MICAL2: variants seen among roughly 807,000 people sequenced by gnomAD.
MICAL2 encodes microtubule associated monooxygenase, calponin and LIM domain containing 2, also known as [F-actin]-monooxygenase MICAL2.
In MICAL2, 77 loss-of-function variants were observed where a neutral mutation model predicts 127.3. The observed-to-expected ratio is 0.60, with a 90% CI of 0.50 to 0.73. The LOEUF (loss-of-function observed/expected upper bound fraction) is 0.73. Among genes scored for constraint, MICAL2 ranks in the 30% least tolerant of loss-of-function variants. The probability of loss-of-function intolerance (pLI) is 0.00; values close to 1 mark genes in which losing one functional copy is unlikely to be tolerated. For synonymous variants in MICAL2, 570 were observed against 551.1 expected (o/e 1.03, Z -0.48); for missense variants, 1,351 against 1,434.4 (o/e 0.94, Z 0.94).
intron 29 of MICAL2, among the ~76,000 whole-genome samples, chr11:12,307,164 G>A (rs138925896): frequency 1.0e-3 from 158 of 152,252 alleles, no homozygotes; most frequent in African/African-American, 3.7e-3. Context: ...GTATCTCATT[G>A]CAATTTTAAT....
chr11:12,225,773 C>T (rs560791179), intron 13 of MICAL2: 4 of 217,358 alleles, frequency 1.8e-5, no homozygotes, highest in Non-Finnish European at 3.8e-5. Context: ...GTATGAGCCA[C>T]TGCGCCTGGT....
intron 33 of MICAL2, among the ~76,000 whole-genome samples, chr11:12,350,256 C>A (rs150949104): frequency 2.0e-3 from 297 of 152,278 alleles, no homozygotes; most frequent in African/African-American, 6.9e-3. Context: ...GGATCACACA[C>A]CTGCAATGGG....
In MICAL2 at chr11:12,162,287, G is replaced by A. The variant is rs761854126; in HGVS notation, c.132G>A (p.Leu44=). The A allele has an allele frequency of 2.2e-5, 35 of 1,614,088 alleles. No homozygotes were observed. The South Asian group carries it at 3.8e-4, about 18-fold the overall frequency. The change falls in exon 3 of 28, where the codon CTG becomes CTA. Residue 44 remains leucine, a synonymous_variant. Coordinates refer to ENST00000683283, the MANE Select transcript of MICAL2 (RefSeq NM_001282663.2). The stretch of plus-strand genomic sequence containing the variant: ...CACGACACCTGGACCTAGACCCTCT[G>A]GACCACAGAAACTTTTATTCCAAGC... ...ILTRHLDLDP[L]DHRNFYSKLK... is the part of the protein sequence containing the mutation.
chr11:12,331,992 A>G (rs1254660737), intron 32 of MICAL2, among the ~76,000 whole-genome samples: 2 of 152,212 alleles, frequency 1.3e-5, no homozygotes, highest in Non-Finnish European at 2.9e-5. Flanking sequence ...AAATATTTGT[A>G]ATACATGAAT....
chr11:12,247,411 A>G (rs949444215), intron 21 of MICAL2, among the ~76,000 whole-genome samples: 1 of 152,306 alleles, frequency 6.6e-6, no homozygotes, highest in South Asian at 2.1e-4. Context: ...AGCTTCCAAC[A>G]TCTTAATTAT....
intron 29 of MICAL2, among the ~76,000 whole-genome samples, chr11:12,302,229 G>A (rs577492619): frequency 2.7e-4 from 41 of 152,330 alleles, no homozygotes; most frequent in African/African-American, 9.4e-4. Context: ...AGAGGATTCA[G>A]AGGAGCCTGG....
chr11:12,295,494 C>G (rs1863976087), downstream of MICAL2, among the ~76,000 whole-genome samples: 1 of 149,982 alleles, frequency 6.7e-6, no homozygotes, highest in Admixed American at 6.7e-5. Flanking sequence ...CTCTGTCCCC[C>G]AAGCTGGAAG....
In MICAL2 at chr11:12,224,655, G is replaced by A. The variant is rs374415796; in HGVS notation, c.1541-18G>A. On this transcript the variant is annotated intron_variant, in intron 12 of 27. Coordinates refer to ENST00000683283, the MANE Select transcript of MICAL2 (RefSeq NM_001282663.2). ...AGATTCCTGCAGAGCCTCACTGCCT[G>A]CGCTCTCCTTCTTGCAGAGTCAGAT... 7.5e-5 allele frequency: 120 copies of A among 1,610,510 alleles called. 1 individual carries two copies. The highest frequency in any genetic ancestry group is 1.7e-4 in the Middle Eastern group (1 of 6,052).
chr11:12,258,918 C>G (rs1862709560), intron 25 of MICAL2, among the ~76,000 whole-genome samples: 3 of 152,228 alleles, frequency 2.0e-5, no homozygotes, highest in South Asian at 4.1e-4. Flanking sequence ...GCAAGAATGC[C>G]TGGTATAGGA....
At chr11:12,288,049 T>C (rs545552352), downstream of MICAL2, among the ~76,000 whole-genome samples, 1 of 152,196 alleles carries the variant, frequency 6.6e-6, no homozygotes, top group East Asian at 1.9e-4. Context: ...TCCCAGCCAG[T>C]GAGTCATTCC....
At chr11:12,316,317 G>T (rs1454714222) in intron 29 of MICAL2, among the ~76,000 whole-genome samples, 1 of 151,202 alleles carries the variant, frequency 6.6e-6, no homozygotes, top group Non-Finnish European at 1.5e-5. Context: ...GATATCTTTT[G>T]ATTTCTTTGT....
intron 24 of MICAL2, 84 bp from the exon 25 acceptor site, chr11:12,258,384 C>A: frequency 9.9e-7 from 1 of 1,013,570 alleles, no homozygotes; most frequent in Non-Finnish European, 1.6e-6. Flanking sequence ...CTGACTTGGA[C>A]AGTGGTGGGC....
downstream of MICAL2, among the ~76,000 whole-genome samples, chr11:12,291,613 G>C (rs981161852): frequency 1.3e-5 from 2 of 152,174 alleles, no homozygotes; most frequent in African/African-American, 4.8e-5. Flanking sequence ...TCCCTCTCTT[G>C]TGTGCTCTTA....
chr11:12,209,673 A>G lies in MICAL2; in HGVS notation c.691+75A>G, dbSNP rs1422390105. 5 of 1,332,528 alleles carry G rather than the reference A, an allele frequency of 3.8e-6. No individual in the cohort carries two copies. The East Asian group carries it at 1.2e-4, about 31-fold the overall frequency. The allele number at this position is 1,332,528 out of a possible 1,614,324, so 82.5% of individuals were successfully genotyped here. ...GGGTACATTGGGGAAGAGTTGGAGA[A>G]AGTGGGCAAGATGCAGATGCCAGAG... On this transcript the variant is annotated intron_variant, in intron 6 of 27. Transcript: ENST00000683283.
chr11:12,243,129 C>G (rs1860210116), intron 20 of MICAL2: 2 of 176,686 alleles, frequency 1.1e-5, no homozygotes, highest in South Asian at 2.8e-4. Context: ...GTTGCAGAAT[C>G]ACAATGCCTT....
chr11:12,321,706 G>A (rs541620287), intron 30 of MICAL2, among the ~76,000 whole-genome samples: 1 of 152,190 alleles, frequency 6.6e-6, no homozygotes, highest in South Asian at 2.1e-4. Flanking sequence ...TTTAATAAAA[G>A]GCAATACATG....
upstream of MICAL2, among the ~76,000 whole-genome samples, chr11:12,271,842 G>A (rs781429141): frequency 2.6e-5 from 4 of 152,176 alleles, no homozygotes; most frequent in Non-Finnish European, 5.9e-5. Context: ...GACTGCAGAA[G>A]TCGGGGAGGA....
intron 3 of MICAL2, among the ~76,000 whole-genome samples, chr11:12,192,166 T>C (rs902943491): frequency 1.8e-5 from 2 of 108,126 alleles, no homozygotes; most frequent in Non-Finnish European, 3.9e-5. Context: ...TATCTGGCCC[T>C]TTATAGAAAA....
intron 3 of MICAL2, among the ~76,000 whole-genome samples, chr11:12,201,843 G>A (rs553174691): frequency 1.0e-3 from 156 of 152,334 alleles, no homozygotes; most frequent in Non-Finnish European, 1.6e-3. Flanking sequence ...CACTGGCCGG[G>A]CACAGTGGCT....
Sources: gnomAD v4.1 joint callset for allele counts (sites outside exome capture counted in the v4.1 genomes callset) on GRCh38, gnomAD v4.1.1 for gene constraint, MANE v1.5 for transcripts, NCBI Gene and HGNC (gene_info 2026-07-23, HGNC 2026-07-21) for gene names.